CFAP77: variants seen among roughly 807,000 people sequenced by gnomAD.
The protein encoded by CFAP77 is cilia- and flagella-associated protein 77.
Under a neutral mutation model 31.1 loss-of-function variants are expected in CFAP77, and 25 were observed. The observed-to-expected ratio is 0.80, with a 90% CI of 0.59 to 1.12. The LOEUF (loss-of-function observed/expected upper bound fraction) is 1.12. CFAP77 is among the 50% of genes most tolerant of loss of function. The pLI, the probability that CFAP77 is intolerant of heterozygous loss-of-function variation, is 0.00. For missense variants in CFAP77, 377 were observed against 397.3 expected, an observed-to-expected ratio of 0.95 and a Z score of 0.44; for synonymous variants, 151 against 159.9, an observed-to-expected ratio of 0.94 and a Z score of 0.42.
intron 1 of CFAP77, among the ~76,000 whole-genome samples, chr9:132,428,957 G>A (rs888149362): frequency 2.6e-5 from 4 of 152,128 alleles, no homozygotes; most frequent in African/African-American, 9.7e-5. Context: ...TCTGGTCCCT[G>A]AGTTTTGGTA....
intron 1 of CFAP77, among the ~76,000 whole-genome samples, chr9:132,422,471 G>A (rs531322231): frequency 6.6e-6 from 1 of 152,328 alleles, no homozygotes; most frequent in African/African-American, 2.4e-5. Flanking sequence ...TCGAGCTGAG[G>A]GGTCCTGGTC....
intron 1 of CFAP77, among the ~76,000 whole-genome samples, chr9:132,493,873 T>TCTTTC (rs1196129763): frequency 2.0e-5 from 3 of 151,924 alleles, no homozygotes; most frequent in Admixed American, 2.0e-4. Flanking sequence ...TCTTTTCTTT[T>TCTTTC]CTTTCCTTTT....
chr9:132,410,689 A>G (rs573881929), intron 1 of CFAP77, among the ~76,000 whole-genome samples: 1 of 152,318 alleles, frequency 6.6e-6, no homozygotes, highest in East Asian at 1.9e-4. Context: ...TGGCACCACT[A>G]AAGGGACTGA....
chr9:132,557,332 C>T (rs1310809565), intron 5 of CFAP77, among the ~76,000 whole-genome samples: 5 of 152,218 alleles, frequency 3.3e-5, no homozygotes, highest in Non-Finnish European at 7.3e-5. Context: ...TCCACGGCTT[C>T]CCGGCCTCCC....
intron 3 of CFAP77, among the ~76,000 whole-genome samples, chr9:132,510,673 G>A (rs1276854665): frequency 2.0e-5 from 3 of 152,182 alleles, no homozygotes; most frequent in Non-Finnish European, 4.4e-5. Flanking sequence ...CCCGTCGGTG[G>A]CCAGATCATC....
At chr9:132,509,244 G>T (rs751619108) in intron 3 of CFAP77, among the ~76,000 whole-genome samples, 2 of 152,218 alleles carry the variant, frequency 1.3e-5, no homozygotes, top group South Asian at 4.1e-4. Context: ...CACAGGTGGC[G>T]AATGGAGGTG....
chr9:132,558,971 G>A (rs1852949308), intron 5 of CFAP77, among the ~76,000 whole-genome samples: 1 of 151,656 alleles, frequency 6.6e-6, no homozygotes, highest in African/African-American at 2.4e-5. Flanking sequence ...CTGAGATTGT[G>A]CCATTGCACT....
chr9:132,555,750 C>G lies in CFAP77; in HGVS notation c.732+12703C>G, dbSNP rs910812698. Among the ~76,000 whole-genome samples, 6 of 152,050 alleles carry G rather than the reference C, an allele frequency of 3.9e-5. No homozygotes were observed. In the South Asian group the frequency reaches 8.3e-4, roughly 21 times the overall value. The stretch of plus-strand genomic sequence containing the variant: ...GCCTCCCGCCCTTTCCCTAACACAC[C>G]CCCCAGCCCTGTGTGGTCCTGCATG... On this transcript the variant is annotated intron_variant, in intron 5 of 5. Coordinates refer to ENST00000393216, the MANE Select transcript of CFAP77 (RefSeq NM_001282957.2).
intron 4 of CFAP77, among the ~76,000 whole-genome samples, chr9:132,538,957 T>G (rs892621537): frequency 6.7e-6 from 1 of 150,034 alleles, no homozygotes. Flanking sequence ...CGTGGTGGCA[T>G]GTGCCTGTAG....
At chr9:132,567,899 G>T (rs1792625088) in intron 5 of CFAP77, among the ~76,000 whole-genome samples, 1 of 152,070 alleles carries the variant, frequency 6.6e-6, no homozygotes, top group Admixed American at 6.5e-5. Context: ...TGGATTTAGG[G>T]CCCATCTGAA....
intron 5 of CFAP77, among the ~76,000 whole-genome samples, chr9:132,548,866 G>A (rs1852778731): frequency 6.6e-6 from 1 of 152,088 alleles, no homozygotes; most frequent in Admixed American, 6.6e-5. Context: ...TAGAATAATG[G>A]CCCAAGCTAT....
chr9:132,502,938 C>A (rs1168181919), intron 3 of CFAP77, among the ~76,000 whole-genome samples: 1 of 152,222 alleles, frequency 6.6e-6, no homozygotes, highest in East Asian at 1.9e-4. Context: ...CCATCCTACT[C>A]ATGGGAAAGA....
At chr9:132,546,685 T>G (rs1392019889) in intron 5 of CFAP77, among the ~76,000 whole-genome samples, 1 of 152,166 alleles carries the variant, frequency 6.6e-6, no homozygotes, top group African/African-American at 2.4e-5. Context: ...CATCCCCCAC[T>G]GTGCATTCCC....
At chr9:132,439,628 C>T (rs1254802971) in intron 1 of CFAP77, among the ~76,000 whole-genome samples, 4 of 151,938 alleles carry the variant, frequency 2.6e-5, no homozygotes, top group East Asian at 1.9e-4. Flanking sequence ...GGGCAGATCA[C>T]GAGGTCAGGA....
chr9:132,567,352 G>A (rs915692801), intron 5 of CFAP77, among the ~76,000 whole-genome samples: 1 of 152,224 alleles, frequency 6.6e-6, no homozygotes, highest in African/African-American at 2.4e-5. Flanking sequence ...TTAGATGGAT[G>A]GATGGATGAA....
At chr9:132,541,371 T>C (rs1379179568) in intron 4 of CFAP77, among the ~76,000 whole-genome samples, 2 of 152,248 alleles carry the variant, frequency 1.3e-5, no homozygotes, top group African/African-American at 4.8e-5. Flanking sequence ...TTCCGAAGCC[T>C]GGCTCCATAA....
intron 1 of CFAP77, among the ~76,000 whole-genome samples, chr9:132,437,143 T>C (rs1255661299): frequency 1.3e-5 from 2 of 152,222 alleles, no homozygotes; most frequent in African/African-American, 2.4e-5. Context: ...TAAAGAAAGA[T>C]GACAGTTCCT....
At chr9:132,463,396 TG>T (rs547651597) in intron 1 of CFAP77, among the ~76,000 whole-genome samples, 14 of 152,296 alleles carry the variant, frequency 9.2e-5, no homozygotes, top group African/African-American at 3.1e-4. Context: ...GCTTATTTTA[TG>T]GCACATCTGG....
rs1175490348 is a variant in CFAP77, at chr9:132,539,996, ATC to A, written c.630+2293_630+2294del. Among the ~76,000 whole-genome samples, 2 of 151,848 alleles carry A rather than the reference ATC, an allele frequency of 1.3e-5. No homozygotes were observed. Among genetic ancestry groups the A allele is most frequent in the African/African-American group, 4.8e-5 (2 of 41,310 alleles). ...GCCCAGGCTGGAGTGCAATGGGGCA[ATC>A]TCAACTCACTGCAACCTCCGCCTCC... On this transcript the variant is annotated intron_variant, in intron 4 of 5. Coordinates refer to ENST00000393216, the MANE Select transcript of CFAP77 (RefSeq NM_001282957.2). The surrounding 1 kb of genome is among the most constrained non-coding windows in gnomAD (Gnocchi z 4.3).
Sources: gnomAD v4.1 joint callset for allele counts (sites outside exome capture counted in the v4.1 genomes callset) on GRCh38, gnomAD v4.1.1 for gene constraint, Gnocchi (gnomAD v3.1) non-coding constraint, MANE v1.5 for transcripts, NCBI Gene and HGNC (gene_info 2026-07-23, HGNC 2026-07-21) for gene names.